TPP2: variants seen among roughly 807,000 people sequenced by gnomAD.
TPP2 encodes the protein tripeptidyl-peptidase 2.
Under a neutral mutation model 155.9 loss-of-function variants are expected in TPP2, and 34 were observed. The ratio of observed to expected loss-of-function variants is 0.22; its 90% CI spans 0.17 to 0.29. The LOEUF is 0.29. Among genes scored for constraint, TPP2 ranks in the 10% least tolerant of loss-of-function variants. The pLI is 1.00. For missense variants in TPP2, 1,028 were observed against 1,522.3 expected, an observed-to-expected ratio of 0.68 and a Z score of 5.40; for synonymous variants, 510 against 529.4, an observed-to-expected ratio of 0.96 and a Z score of 0.50.
intron 2 of TPP2, among the ~76,000 whole-genome samples, chr13:102,613,656 G>T (rs942384096): frequency 6.6e-6 from 1 of 152,132 alleles, no homozygotes. Flanking sequence ...GATAGAACTA[G>T]GTTCCAGTTT....
At chr13:102,623,102 CG>C in intron 6 of TPP2, 62 bp downstream of exon 6, 1 of 1,510,260 alleles carries the variant, frequency 6.6e-7, no homozygotes, top group South Asian at 1.3e-5. Flanking sequence ...TGGTACGTTG[CG>C]ATAGCTCACA....
rs1301850112 is a variant in TPP2 at position 102,604,891 on chromosome 13, G to A, written c.264G>A (p.Glu88=). ...CAGAAGTAGAGCCAAAGGATGGTGA[G>A]ATTGTTGGCCTTTCAGGAAGAGTGC... The part of the protein sequence containing the change: ...TATEVEPKDG[E]IVGLSGRVLK... The change falls in exon 2 of 30, where the codon GAG becomes GAA. Residue 88 remains glutamate (E), a synonymous_variant. Transcript: ENST00000376052. The A allele has an allele frequency of 4.3e-6, 7 of 1,613,928 alleles. No individual in the cohort carries two copies. The highest frequency in any genetic ancestry group is 5.9e-6 in the Non-Finnish European group (7 of 1,180,018).
chr13:102,633,838 G>A (rs2139498801), intron 10 of TPP2, 112 bp from the exon 11 acceptor site: 1 of 1,424,210 alleles, frequency 7.0e-7, no homozygotes, highest in South Asian at 1.3e-5. Flanking sequence ...TGTAATGAGT[G>A]CAGTTAGTAC....
intron 17 of TPP2, 30 bp from the exon 18 acceptor site, chr13:102,644,525 AAG>A (rs780179115): frequency 4.0e-6 from 6 of 1,500,026 alleles, no homozygotes; most frequent in East Asian, 4.6e-5. Flanking sequence ...AAAATAAGAA[AAG>A]AGATATATTT....
At chr13:102,604,714 CAT>C (rs35697719) in intron 1 of TPP2, 77 bp from the exon 2 acceptor site, 394,043 of 1,453,496 alleles carry the variant, frequency 0.27, 57,287 homozygotes, top group Non-Finnish European at 0.3. Context: ...TATACACACA[CAT>C]ATATATGTGG....
chr13:102,672,349 A>T (rs922224041), intron 27 of TPP2, among the ~76,000 whole-genome samples: 2 of 151,740 alleles, frequency 1.3e-5, no homozygotes, highest in South Asian at 4.1e-4. Context: ...CTTGTGAATG[A>T]TCAGAGGTTG....
chr13:102,624,851 CCTTTTTTT>C (rs1299762009), intron 6 of TPP2, among the ~76,000 whole-genome samples: 1 of 43,498 alleles, frequency 2.3e-5, no homozygotes, highest in Admixed American at 1.8e-4. Context: ...TTTTTTTTTT[CCTTTTTTT>C]TTTTTTTTTT....
chr13:102,616,333 C>T, intron 3 of TPP2, 63 bp from the exon 4 acceptor site: 1 of 1,299,396 alleles, frequency 7.7e-7, no homozygotes. Context: ...CATATAAATG[C>T]CTGTCTAGGT....
intron 8 of TPP2, among the ~76,000 whole-genome samples, chr13:102,628,662 C>T (rs948801736): frequency 6.6e-6 from 1 of 152,072 alleles, no homozygotes; most frequent in Non-Finnish European, 1.5e-5. Context: ...GAAATTACCT[C>T]GAGTATTTAC....
At chr13:102,598,938 T>C (rs1333074369) in intron 1 of TPP2, among the ~76,000 whole-genome samples, 1 of 152,246 alleles carries the variant, frequency 6.6e-6, no homozygotes, top group African/African-American at 2.4e-5. Context: ...ATTTATTCTT[T>C]TTTGTATATA....
chr13:102,628,109 C>A (rs756536661), intron 8 of TPP2, among the ~76,000 whole-genome samples, 185 bp downstream of exon 8: 5 of 152,124 alleles, frequency 3.3e-5, no homozygotes, highest in Non-Finnish European at 7.4e-5. Flanking sequence ...CGCACACCCC[C>A]GTTCCTGTGT....
chr13:102,647,338 A>G lies in TPP2; in HGVS notation c.2622A>G (p.Pro874=). 6.2e-7 allele frequency: 1 copy of G among 1,610,378 alleles called. No individual in the cohort carries two copies. Among genetic ancestry groups the G allele is most frequent in the Non-Finnish European group, 8.5e-7 (1 of 1,179,088 alleles). ...AGATGGGTTCAGGCGATGCCTATCC[A>G]CATCAGGTATAAAATTGATGGTGAT... ...KRQMGSGDAY[P]HQYSLKLEKG... is the part of the protein sequence containing the mutation. The change falls in exon 21 of 30, where the codon CCA becomes CCG. Residue 874 remains proline (P), a synonymous_variant. Transcript: ENST00000376052.
At position 102,622,929 on chromosome 13, in the gene TPP2, A is replaced by C; in HGVS notation, c.673A>C (p.Arg225=). ...GGACTTGAGTAAATCTACCGTGTTGAGAAACTACAAAGAAGCCCAAGAATA... is the reference window on the plus strand; with the variant it reads ...GGACTTGAGTAAATCTACCGTGTTGCGAAACTACAAAGAAGCCCAAGAATA... ...DGDLSKSTVL[R]NYKEAQEYGS... The change falls in exon 6 of 30, where the codon AGA becomes CGA. Residue 225 remains arginine, a synonymous_variant. Transcript: ENST00000376052. 6.2e-7 allele frequency: 1 copy of C among 1,614,154 alleles called. No individual in the cohort carries two copies. The highest frequency in any genetic ancestry group is 8.5e-7 in the Non-Finnish European group (1 of 1,180,006).
chr13:102,629,963 A>T, intron 9 of TPP2, 133 bp from the exon 10 acceptor site: 1 of 716,604 alleles, frequency 1.4e-6, no homozygotes, highest in Non-Finnish European at 2.2e-6. Flanking sequence ...TTTCCTTATT[A>T]AATTTTATTC....
At chr13:102,640,720 G>A (rs183035686) in intron 16 of TPP2, among the ~76,000 whole-genome samples, 2 of 128,858 alleles carry the variant, frequency 1.6e-5, no homozygotes, top group East Asian at 4.7e-4. Flanking sequence ...GCATGATCTC[G>A]GCTCACTGCA....
intron 2 of TPP2, among the ~76,000 whole-genome samples, chr13:102,610,066 G>A (rs1337136133): frequency 6.6e-6 from 1 of 152,072 alleles, no homozygotes; most frequent in African/African-American, 2.4e-5. Context: ...GGATGTGCAG[G>A]TGTTTAGATA....
chr13:102,661,453 G>A (rs907462473), intron 25 of TPP2, among the ~76,000 whole-genome samples: 9 of 151,774 alleles, frequency 5.9e-5, no homozygotes, highest in African/African-American at 2.2e-4. Flanking sequence ...ATGTTGCCCA[G>A]GCTAGTCTGG....
intron 5 of TPP2, 67 bp from the exon 6 acceptor site, chr13:102,622,810 A>G: frequency 6.7e-7 from 1 of 1,500,104 alleles, no homozygotes; most frequent in South Asian, 1.3e-5. Flanking sequence ...TGGAGAGACT[A>G]TGTTACATGA....
intron 15 of TPP2, among the ~76,000 whole-genome samples, chr13:102,639,255 G>C (rs1882593426): frequency 6.6e-6 from 1 of 152,084 alleles, no homozygotes; most frequent in Admixed American, 6.5e-5. Flanking sequence ...GGTGAGATTG[G>C]GATTGTGAGA....
Sources: gnomAD v4.1 joint callset for allele counts (sites outside exome capture counted in the v4.1 genomes callset) on GRCh38, gnomAD v4.1.1 for gene constraint, MANE v1.5 for transcripts, NCBI Gene and HGNC (gene_info 2026-07-23, HGNC 2026-07-21) for gene names.